Variants in EFNA5 observed in about 807,000 individuals in gnomAD.
EFNA5 encodes the protein ephrin-A5.
EFNA5 carries 5 observed loss-of-function variants against 22.9 expected under a neutral mutation model. The ratio of observed to expected loss-of-function variants is 0.22; its 90% confidence interval spans 0.11 to 0.46. The LOEUF is 0.46. Among genes scored for constraint, EFNA5 ranks in the 20% least tolerant of loss-of-function variants. The probability of loss-of-function intolerance (pLI) is 0.99; values close to 1 mark genes in which losing one functional copy is unlikely to be tolerated. For missense variants in EFNA5, 237 were observed against 293.3 expected (o/e 0.81, Z 1.40); for synonymous variants, 113 against 112.2 (o/e 1.01, Z -0.04).
intron 1 of EFNA5, among the ~76,000 whole-genome samples, chr5:107,483,494 C>T (rs893872260): frequency 6.6e-6 from 1 of 152,116 alleles, no homozygotes; most frequent in Non-Finnish European, 1.5e-5. Context: ...GCATCAGGTC[C>T]TCAAAGAATA....
intron 1 of EFNA5, among the ~76,000 whole-genome samples, chr5:107,468,710 A>G (rs550541014): frequency 6.6e-6 from 1 of 152,320 alleles, no homozygotes; most frequent in East Asian, 1.9e-4. Context: ...AAAACTCATG[A>G]AATTAAACTC....
chr5:107,520,958 AT>A (rs1390186670), intron 1 of EFNA5, among the ~76,000 whole-genome samples: 1 of 152,198 alleles, frequency 6.6e-6, no homozygotes, highest in East Asian at 1.9e-4. Context: ...CCAAGCTTCC[AT>A]TCTCTTACAT....
chr5:107,519,786 A>G (rs911418805), intron 1 of EFNA5, among the ~76,000 whole-genome samples: 14 of 152,234 alleles, frequency 9.2e-5, no homozygotes, highest in Non-Finnish European at 2.1e-4. Flanking sequence ...AAAAATAAGT[A>G]ATTTTAAGAA....
At chr5:107,524,032 T>C (rs969395035) in intron 1 of EFNA5, among the ~76,000 whole-genome samples, 3 of 152,254 alleles carry the variant, frequency 2.0e-5, no homozygotes, top group Admixed American at 6.5e-5. Context: ...TTAATGCCAG[T>C]TGTTTAGATC....
chr5:107,393,214 A>G lies in EFNA5; in HGVS notation c.419-5443T>C, dbSNP rs536297120. The stretch of plus-strand genomic sequence containing the variant: ...ATGAAAGGATTTTAAAATAAGTTAA[A>G]ACTTTTCTTACTACCAAAAAACTCC... On this transcript the variant is annotated intron_variant, in intron 2 of 4. Transcript: ENST00000333274. Among the ~76,000 whole-genome samples, 13 of 152,312 alleles carry G rather than the reference A, an allele frequency of 8.5e-5. No individual in the cohort carries two copies. The South Asian group carries it at 2.5e-3, about 29-fold the overall frequency.
intron 1 of EFNA5, among the ~76,000 whole-genome samples, chr5:107,529,361 C>T (rs575665515): frequency 2.8e-4 from 42 of 152,158 alleles, no homozygotes; most frequent in African/African-American, 1.0e-3. Flanking sequence ...AATTTATGCA[C>T]CAGGTCAGGT....
chr5:107,478,315 T>A (rs1267296209), intron 1 of EFNA5, among the ~76,000 whole-genome samples: 3 of 152,210 alleles, frequency 2.0e-5, no homozygotes, highest in Non-Finnish European at 4.4e-5. Flanking sequence ...GAATGTTTAG[T>A]TGCTTGCTCA....
At chr5:107,617,522 G>A (rs956123655) in intron 1 of EFNA5, among the ~76,000 whole-genome samples, 6 of 152,062 alleles carry the variant, frequency 3.9e-5, no homozygotes, top group African/African-American at 1.4e-4. Flanking sequence ...AGCTTTCCCC[G>A]CCACCATTAT....
At chr5:107,627,414 T>C (rs964885775) in intron 1 of EFNA5, among the ~76,000 whole-genome samples, 4 of 152,166 alleles carry the variant, frequency 2.6e-5, no homozygotes, top group African/African-American at 9.7e-5. Context: ...CCTGGTCATT[T>C]ACAACACACA....
intron 1 of EFNA5, among the ~76,000 whole-genome samples, chr5:107,442,549 C>T (rs966540239): frequency 6.6e-6 from 1 of 152,152 alleles, no homozygotes; most frequent in East Asian, 1.9e-4. Flanking sequence ...GAAAGTTGAG[C>T]TGATTGTATT....
chr5:107,551,244 A>T (rs1472847151), intron 1 of EFNA5, among the ~76,000 whole-genome samples: 1 of 152,154 alleles, frequency 6.6e-6, no homozygotes, highest in African/African-American at 2.4e-5. Context: ...ACCCAGGCCA[A>T]CTGGCATTAG....
At chr5:107,570,278 T>TA (rs1319499783) in intron 1 of EFNA5, among the ~76,000 whole-genome samples, 1 of 152,222 alleles carries the variant, frequency 6.6e-6, no homozygotes, top group African/African-American at 2.4e-5. Flanking sequence ...TTAGCCTTGA[T>TA]TAATATCCCA....
At chr5:107,488,688 C>CA (rs1324691860) in intron 1 of EFNA5, among the ~76,000 whole-genome samples, 2 of 151,320 alleles carry the variant, frequency 1.3e-5, no homozygotes, top group Non-Finnish European at 2.9e-5. Context: ...GACCGAAAAA[C>CA]AAAAAAACTC....
At chr5:107,570,121 A>C (rs1355028741) in intron 1 of EFNA5, among the ~76,000 whole-genome samples, 1 of 152,136 alleles carries the variant, frequency 6.6e-6, no homozygotes, top group African/African-American at 2.4e-5. Flanking sequence ...ATGGTGAAAG[A>C]AACTGTTTTC....
intron 1 of EFNA5, among the ~76,000 whole-genome samples, chr5:107,512,246 C>T (rs1224923765): frequency 6.6e-6 from 1 of 152,144 alleles, no homozygotes; most frequent in Non-Finnish European, 1.5e-5. Flanking sequence ...GGCTGTCAAT[C>T]AATCCTGGCT....
intron 1 of EFNA5, among the ~76,000 whole-genome samples, chr5:107,514,768 A>C (rs1383471719): frequency 6.6e-6 from 1 of 152,178 alleles, no homozygotes; most frequent in African/African-American, 2.4e-5. Context: ...GGATTCTATG[A>C]GGTCCTACGT....
intron 1 of EFNA5, among the ~76,000 whole-genome samples, chr5:107,546,891 C>T (rs1235603382): frequency 2.6e-5 from 4 of 152,084 alleles, no homozygotes. Context: ...TTGTAATGTT[C>T]TAACATGCCA....
intron 1 of EFNA5, among the ~76,000 whole-genome samples, chr5:107,549,936 T>C (rs1323928707): frequency 2.0e-5 from 3 of 152,268 alleles, no homozygotes; most frequent in Non-Finnish European, 4.4e-5. Flanking sequence ...TTAGTACCTA[T>C]GGCTCTCTGG....
chr5:107,654,033 G>A (rs1250088472), intron 1 of EFNA5, among the ~76,000 whole-genome samples: 1 of 152,062 alleles, frequency 6.6e-6, no homozygotes, highest in East Asian at 1.9e-4. Context: ...CATGAATTAA[G>A]AGTATGCTAT....
Sources: gnomAD v4.1 joint callset for allele counts (sites outside exome capture counted in the v4.1 genomes callset) on GRCh38, gnomAD v4.1.1 for gene constraint, MANE v1.5 for transcripts, NCBI Gene and HGNC (gene_info 2026-07-23, HGNC 2026-07-21) for gene names.